Variants in SEMA4B observed in about 807,000 individuals in gnomAD.
The protein encoded by SEMA4B is semaphorin-4B.
In SEMA4B, 55 loss-of-function variants were observed where a neutral mutation model predicts 88.1. The observed-to-expected ratio is 0.62, with a 90% CI of 0.50 to 0.78. SEMA4B has a LOEUF of 0.78. SEMA4B is among the 30% of genes least tolerant of loss of function. The probability of loss-of-function intolerance (pLI) is 0.00; values close to 1 mark genes in which losing one functional copy is unlikely to be tolerated. For missense variants in SEMA4B, 1,062 were observed against 1,111.9 expected, an observed-to-expected ratio of 0.96 and a Z score of 0.64; for synonymous variants, 525 against 473.6, an observed-to-expected ratio of 1.11 and a Z score of -1.41.
Position 90,227,796 on chromosome 15 carries a change from C to T in SEMA4B, c.1775-108C>T, listed in dbSNP as rs534369608. 400 of 1,534,026 alleles carry T rather than the reference C, an allele frequency of 2.6e-4. 1 individual carries two copies. The African/African-American group carries it at 4.1e-3, about 16-fold the overall frequency. On this transcript the variant is annotated intron_variant, in intron 13 of 13. Transcript: ENST00000411539. ...AGGAAGACTCAGTCCCAGGGGTCCC[C>T]GGAGTTGCCCATCGTGGCACCAGGG...
At chr15:90,210,657 T>C (rs564278383) in intron 1 of SEMA4B, among the ~76,000 whole-genome samples, 1 of 152,336 alleles carries the variant, frequency 6.6e-6, no homozygotes, top group African/African-American at 2.4e-5. Context: ...CTTTAGCTCT[T>C]TGAGGGCTAG....
chr15:90,186,852 G>C (rs1960180512), intron 1 of SEMA4B, among the ~76,000 whole-genome samples: 1 of 152,034 alleles, frequency 6.6e-6, no homozygotes, highest in Non-Finnish European at 1.5e-5. Context: ...AGAATGGTGT[G>C]AACCCGCGAG....
chr15:90,191,285 C>T (rs1429935627), intron 1 of SEMA4B, among the ~76,000 whole-genome samples: 2 of 152,194 alleles, frequency 1.3e-5, no homozygotes, highest in Admixed American at 1.3e-4. Context: ...TCTTTCTCCC[C>T]ATGAGAGTTG....
Position 90,190,793 on chromosome 15 carries a change from ATG to A in SEMA4B, c.-122+5722_-122+5723del, listed in dbSNP as rs201039219. Among the ~76,000 whole-genome samples, 855 of 151,392 alleles carry A rather than the reference ATG, an allele frequency of 5.6e-3. 16 individuals are homozygous for A. Among genetic ancestry groups the A allele is most frequent in the African/African-American group, 0.019 (801 of 41,202 alleles). On this transcript the variant is annotated intron_variant, in intron 1 of 14. Transcript: ENST00000332496. ...TCTTGCTCTGTGTGCATGTGTGTGT[ATG>A]TGTGTGTGTCAGTGTCTTGCTCTGT...
At chr15:90,197,879 T>C (rs1373097614), upstream of SEMA4B, among the ~76,000 whole-genome samples, 1 of 152,026 alleles carries the variant, frequency 6.6e-6, no homozygotes, top group Non-Finnish European at 1.5e-5. Context: ...TGGGATGACA[T>C]CTGAGCCAGA....
rs1418265984 is a variant in SEMA4B at position 90,221,039 on chromosome 15, G to A, written c.541G>A (p.Gly181Ser). 8 of 1,611,318 alleles carry A rather than the reference G, an allele frequency of 5.0e-6. No homozygotes were observed. The highest frequency in any genetic ancestry group is 6.8e-6 in the Non-Finnish European group (8 of 1,178,878). The change falls in exon 5 of 14, where the codon GGC (glycine) becomes AGC (serine). Residue 181 changes from glycine (G) to serine (S), a missense_variant. Coordinates refer to ENST00000411539, the MANE Select transcript of SEMA4B (RefSeq NM_198925.4). ...DEKGNVLLED[G>S]KGRCPFDPNF... ...GAAGGGGAATGTCCTCCTGGAAGAT[G>A]GCAAGGGCCGTTGTCCCTTCGACCC...
At chr15:90,205,705 A>T (rs1057315787) in intron 1 of SEMA4B, among the ~76,000 whole-genome samples, 1 of 152,098 alleles carries the variant, frequency 6.6e-6, no homozygotes, top group South Asian at 2.1e-4. Context: ...TTGCTTGGTG[A>T]GGTTATTTGC....
intron 1 of SEMA4B, among the ~76,000 whole-genome samples, chr15:90,188,831 C>G (rs1960258894): frequency 6.6e-6 from 1 of 151,752 alleles, no homozygotes; most frequent in Admixed American, 6.6e-5. Context: ...CCACGCCCGG[C>G]TAATTTTTTT....
In SEMA4B at chr15:90,223,647, TC is replaced by T; in HGVS notation, c.954del (p.Phe319SerfsTer10). The T allele has an allele frequency of 6.2e-7, 1 of 1,613,476 alleles. No homozygotes were observed. Among genetic ancestry groups the T allele is most frequent in the Non-Finnish European group, 8.5e-7 (1 of 1,179,750 alleles). On this transcript the variant is annotated frameshift_variant, in exon 8 of 14. Transcript: ENST00000411539. LOFTEE classifies it high-confidence loss of function. ...CTGTGCTCACGGCCCGACGATGGCTTCCCCTTCAACGTGCTGCAGGATGTCT... is the reference window on the plus strand; with the variant it reads ...CTGTGCTCACGGCCCGACGATGGCTTCCCTTCAACGTGCTGCAGGATGTCT... ...QLLCSRPDDG[F>X]PFNVLQDVFT...
In SEMA4B at chr15:90,229,047, A is replaced by C; in HGVS notation, c.*404A>C. On this transcript the variant is annotated 3_prime_UTR_variant, in exon 14 of 14. Coordinates refer to ENST00000411539, the MANE Select transcript of SEMA4B (RefSeq NM_198925.4). ...GGGATGCATCCAAAGTGGTTGTCTG[A>C]GACAGAGTTGGAAACCCTCACCAAC... 1.4e-5 allele frequency: 5 copies of C among 359,972 alleles called. No individual in the cohort carries two copies. Among genetic ancestry groups the C allele is most frequent in the South Asian group, 1.1e-4 (5 of 46,512 alleles). The allele number at this position is 359,972 out of a possible 1,614,324, so 22.3% of individuals were successfully genotyped here.
rs200769820 is a variant in SEMA4B at position 90,225,751 on chromosome 15, G to A, written c.1612G>A (p.Ala538Thr). ...CAGGAGCTGTGGGGACTGCCTCCTC[G>A]CCCGGGACCCCTACTGTGCTTGGAG... ...LYRSCGDCLL[A>T]RDPYCAWSGS... The change falls in exon 12 of 14, where the codon GCC becomes ACC. Residue 538 changes from alanine (A) to threonine (T), a missense_variant. Coordinates refer to ENST00000411539, the MANE Select transcript of SEMA4B (RefSeq NM_198925.4). 157 of 1,576,694 alleles carry A rather than the reference G, an allele frequency of 1.0e-4. No individual in the cohort carries two copies. Among genetic ancestry groups the A allele is most frequent in the Non-Finnish European group, 1.3e-4 (151 of 1,162,912 alleles).
upstream of SEMA4B, chr15:90,201,287 C>T: frequency 3.6e-6 from 4 of 1,100,322 alleles, no homozygotes; most frequent in Non-Finnish European, 4.4e-6. Flanking sequence ...GGCGGGCCGG[C>T]CGGGCTCACG....
At chr15:90,219,464 T>C (rs762213478) in intron 3 of SEMA4B, 2 of 240,654 alleles carry the variant, frequency 8.3e-6, no homozygotes, top group Non-Finnish European at 8.1e-6. Context: ...CCCAGCTTGG[T>C]TGGGAGGGGC....
At chr15:90,226,705 T>C (rs894733346) in intron 12 of SEMA4B, among the ~76,000 whole-genome samples, 2 of 152,158 alleles carry the variant, frequency 1.3e-5, no homozygotes, top group African/African-American at 2.4e-5. Context: ...GCTTCACATA[T>C]GGATACACCT....
Position 90,228,019 on chromosome 15 carries a change from T to C in SEMA4B, c.1890T>C (p.Asn630=). Residue 630 remains asparagine (N), a synonymous_variant, in exon 14 of 14, where the codon AAT becomes AAC. Coordinates refer to ENST00000411539, the MANE Select transcript of SEMA4B (RefSeq NM_198925.4). ...RLWLRNGAPV[N]ASASCHVLPT... is the part of the protein sequence containing the mutation. ...GGCTACGCAACGGGGCCCCCGTCAA[T>C]GCCTCGGCCTCCTGCCACGTGCTAC... The C allele has an allele frequency of 6.2e-7, 1 of 1,613,888 alleles. No homozygotes were observed. Among genetic ancestry groups the C allele is most frequent in the Non-Finnish European group, 8.5e-7 (1 of 1,179,862 alleles).
intron 8 of SEMA4B, 42 bp from the exon 9 acceptor site, chr15:90,223,796 G>A: frequency 1.2e-6 from 2 of 1,607,216 alleles, no homozygotes; most frequent in South Asian, 1.1e-5. Flanking sequence ...TGGGACTGGG[G>A]CCCCCAGGGC....
At chr15:90,203,811 A>G (rs1023543867) in intron 1 of SEMA4B, among the ~76,000 whole-genome samples, 2 of 152,180 alleles carry the variant, frequency 1.3e-5, no homozygotes, top group African/African-American at 4.8e-5. Flanking sequence ...CCCTTCTGCT[A>G]TGTTCTTGGG....
intron 1 of SEMA4B, among the ~76,000 whole-genome samples, chr15:90,211,360 G>A (rs1399067098): frequency 6.6e-6 from 1 of 152,228 alleles, no homozygotes; most frequent in Non-Finnish European, 1.5e-5. Context: ...CAGATGCTGT[G>A]AGGCCAGGTT....
chr15:90,207,534 G>A (rs1950733500), intron 1 of SEMA4B, among the ~76,000 whole-genome samples: 1 of 152,198 alleles, frequency 6.6e-6, no homozygotes, highest in Non-Finnish European at 1.5e-5. Flanking sequence ...TGCAGATGAG[G>A]AAACCAAAGC....
Sources: gnomAD v4.1 joint callset for allele counts (sites outside exome capture counted in the v4.1 genomes callset) on GRCh38, gnomAD v4.1.1 for gene constraint, MANE v1.5 for transcripts, NCBI Gene and HGNC (gene_info 2026-07-23, HGNC 2026-07-21) for gene names.